PRKCSH: variants seen among roughly 807,000 people sequenced by gnomAD.
The protein encoded by PRKCSH is glucosidase 2 subunit beta.
PRKCSH carries 42 observed loss-of-function variants against 79.7 expected under a neutral mutation model. The ratio of observed to expected loss-of-function variants is 0.53; its 90% CI spans 0.41 to 0.68. The LOEUF is 0.68. Among genes scored for constraint, PRKCSH ranks in the 30% least tolerant of loss-of-function variants. PRKCSH has a pLI of 0.00. For synonymous variants in PRKCSH, 325 were observed against 288.2 expected (o/e 1.13, Z -1.29); for missense variants, 686 against 709.0 (o/e 0.97, Z 0.37).
intron 5 of PRKCSH, 93 bp from the exon 6 acceptor site, chr19:11,441,147 G>A (rs966179531): frequency 2.4e-6 from 3 of 1,247,708 alleles, no homozygotes; most frequent in African/African-American, 3.0e-5. Context: ...GGCTTGGTGG[G>A]GGGCCACAGC....
Position 11,449,585 on chromosome 19 carries a change from C to A in PRKCSH, c.*16+157C>A. The A allele has an allele frequency of 2.0e-6, 2 of 1,003,840 alleles. No individual in the cohort carries two copies. Among genetic ancestry groups the A allele is most frequent in the Non-Finnish European group, 2.9e-6 (2 of 687,320 alleles). The allele number at this position is 1,003,840 out of a possible 1,614,324, so 62.2% of individuals were successfully genotyped here. ...TGAGGTGGAGTCTCACTCTTTGGCC[C>A]AGGCTGGAGTGCAGTGATGCGACCT... On this transcript the variant is annotated intron_variant, in intron 17 of 17. Coordinates refer to ENST00000677123, the MANE Select transcript of PRKCSH (RefSeq NM_001289104.2). The surrounding 1 kb of genome is among the most constrained non-coding windows in gnomAD (Gnocchi z 6.4).
intron 3 of PRKCSH, among the ~76,000 whole-genome samples, chr19:11,436,941 T>G (rs1427490181): frequency 6.6e-6 from 1 of 152,230 alleles, no homozygotes; most frequent in Non-Finnish European, 1.5e-5. Context: ...CACTGCAGCC[T>G]GGAACTCTTG....
chr19:11,447,629 G>A lies in PRKCSH; in HGVS notation c.1029+11G>A. On this transcript the variant is annotated intron_variant, in intron 11 of 17. Coordinates refer to ENST00000677123, the MANE Select transcript of PRKCSH (RefSeq NM_001289104.2). This position sits in a 1 kb window ranked among gnomAD's most constrained non-coding sequence, Gnocchi z 5.6. ...GGGGAGCAGCCCAAGGTCCGTGTTT[G>A]GGGGAGAAGTGGAGACAGAGAGGGT... is the stretch of plus-strand genomic sequence containing the variant. 1 of 1,579,988 alleles carries A rather than the reference G, an allele frequency of 6.3e-7. No individual in the cohort carries two copies. Among genetic ancestry groups the A allele is most frequent in the East Asian group, 2.3e-5 (1 of 43,128 alleles).
chr19:11,438,772 A>T (rs1022497096), intron 5 of PRKCSH, among the ~76,000 whole-genome samples: 8 of 151,692 alleles, frequency 5.3e-5, no homozygotes, highest in African/African-American at 1.9e-4. Flanking sequence ...AAGCAAAAAA[A>T]AAAAAAGCAT....
chr19:11,447,253 C>T lies in PRKCSH; in HGVS notation c.849+93C>T, dbSNP rs921673461. 23 of 1,467,704 alleles carry T rather than the reference C, an allele frequency of 1.6e-5. 1 individual carries two copies. Among genetic ancestry groups the T allele is most frequent in the African/African-American group, 5.6e-5 (4 of 71,488 alleles). 90.9% of individuals were successfully genotyped at this position (1,467,704 alleles called of 1,614,324 possible). On this transcript the variant is annotated intron_variant, in intron 10 of 17. Coordinates refer to ENST00000677123, the MANE Select transcript of PRKCSH (RefSeq NM_001289104.2). This position sits in a 1 kb window ranked among gnomAD's most constrained non-coding sequence, Gnocchi z 5.6. ...AGCTGCCTCTGGTTCTGGCACCTGGCCACCCTGGCCAGCTGGGTGGCCCCA... is the reference window on the plus strand; with the variant it reads ...AGCTGCCTCTGGTTCTGGCACCTGGTCACCCTGGCCAGCTGGGTGGCCCCA...
In PRKCSH at chr19:11,442,358, GCTGGTCTCTTGC is replaced by G; in HGVS notation, c.469-25_469-14del. On this transcript the variant is annotated splice_polypyrimidine_tract_variant and intron_variant, in intron 6 of 17. Transcript: ENST00000677123. The stretch of plus-strand genomic sequence containing the variant: ...TGAGGAGGAGGCAGAACAGAGGAGA[GCTGGTCTCTTGC>G]CTTCTGCCCACCCAGAAAAAGCTCA... 1 of 1,566,370 alleles carries G rather than the reference GCTGGTCTCTTGC, an allele frequency of 6.4e-7. No homozygotes were observed. Among genetic ancestry groups the G allele is most frequent in the Non-Finnish European group, 8.7e-7 (1 of 1,155,170 alleles).
At chr19:11,438,161 C>T in intron 5 of PRKCSH, 37 bp downstream of exon 5, 2 of 1,610,192 alleles carry the variant, frequency 1.2e-6, no homozygotes, top group Non-Finnish European at 8.5e-7. Context: ...TCACCCCACC[C>T]CAAGACTTTG....
intron 1 of PRKCSH, 76 bp downstream of exon 1, chr19:11,435,782 G>T: frequency 7.1e-7 from 1 of 1,400,768 alleles, no homozygotes; most frequent in Non-Finnish European, 9.4e-7. Context: ...GTGTGGGTGT[G>T]GACGGCGGAG....
chr19:11,436,817 A>G (rs1568360177), intron 3 of PRKCSH: 1 of 394,714 alleles, frequency 2.5e-6, no homozygotes, highest in South Asian at 2.1e-5. Flanking sequence ...GCCAAGAGCA[A>G]TCCAGCAGGA....
chr19:11,436,125 TGCC>T lies in PRKCSH; in HGVS notation c.11_13del (p.Pro4del). Reference sequence around the variant, plus strand: ...CTCAGAGCGTCTGGTGAGATGCTGTTGCCGCTGCTGCTGCTGCTACCCATGTGC... The same window carrying T: ...CTCAGAGCGTCTGGTGAGATGCTGTTGCTGCTGCTGCTGCTACCCATGTGC... On this transcript the variant is annotated inframe_deletion, in exon 2 of 18. Transcript: ENST00000677123. 6.2e-7 allele frequency: 1 copy of T among 1,608,766 alleles called. No individual in the cohort carries two copies. Among genetic ancestry groups the T allele is most frequent in the Non-Finnish European group, 8.5e-7 (1 of 1,179,614 alleles).
In PRKCSH at chr19:11,442,512, G is replaced by C; in HGVS notation, c.595G>C (p.Glu199Gln). Residue 199 changes from glutamate (E) to glutamine (Q), a missense_variant, in exon 7 of 18, where the codon GAA becomes CAA. By Grantham distance (29) the Glu-to-Gln change is conservative. Transcript: ENST00000677123. ...CAAAGAGCAGCACCAGAAGCTGTGG[G>C]AAGGTATGGCAGAAATGGCCAAGGA... ...EAKEQHQKLW[E>Q]EQLAAAKAQQ... is the part of the protein sequence containing the mutation. The C allele has an allele frequency of 6.2e-7, 1 of 1,610,600 alleles. No homozygotes were observed. The highest frequency in any genetic ancestry group is 8.5e-7 in the Non-Finnish European group (1 of 1,178,896).
In PRKCSH at chr19:11,448,023, C is replaced by G. The variant is rs1568369719; in HGVS notation, c.1127-199C>G. 2.7e-6 allele frequency: 2 copies of G among 754,228 alleles called. No homozygotes were observed. Among genetic ancestry groups the G allele is most frequent in the Non-Finnish European group, 4.4e-6 (2 of 457,730 alleles). 46.7% of individuals were successfully genotyped at this position (754,228 alleles called of 1,614,324 possible). On this transcript the variant is annotated intron_variant, in intron 12 of 17. Coordinates refer to ENST00000677123, the MANE Select transcript of PRKCSH (RefSeq NM_001289104.2). The surrounding 1 kb of genome is among the most constrained non-coding windows in gnomAD (Gnocchi z 4.4). ...CAGCTTGTTTGTGTCACTCCTGGCC[C>G]CACTCGCTCAGGAGCTGGGAGCCTG...
At chr19:11,443,357 C>G (rs1256797597) in intron 7 of PRKCSH, among the ~76,000 whole-genome samples, 1 of 151,676 alleles carries the variant, frequency 6.6e-6, no homozygotes, top group Non-Finnish European at 1.5e-5. Flanking sequence ...ACCATCTTAG[C>G]CAACATGGTG....
At chr19:11,441,445 C>A in intron 6 of PRKCSH, 88 bp downstream of exon 6, 1 of 1,243,544 alleles carries the variant, frequency 8.0e-7, no homozygotes, top group Non-Finnish European at 1.2e-6. Flanking sequence ...GGGTTTGCCC[C>A]TGACTGCTGT....
At position 11,447,851 on chromosome 19, in the gene PRKCSH, A is replaced by G; in HGVS notation, c.1126+62A>G. On this transcript the variant is annotated intron_variant, in intron 12 of 17. Transcript: ENST00000677123. The surrounding 1 kb of genome is among the most constrained non-coding windows in gnomAD (Gnocchi z 5.6). ...CCAGCGTTTCCTGCCGTGGTGGCAC[A>G]GGTCGAGGGAAGATCCTGAGCTTAG... 6.8e-7 allele frequency: 1 copy of G among 1,477,612 alleles called. No individual in the cohort carries two copies. The highest frequency in any genetic ancestry group is 9.1e-7 in the Non-Finnish European group (1 of 1,099,852). 91.5% of individuals were successfully genotyped at this position (1,477,612 alleles called of 1,614,324 possible).
rs1017239130 is a variant in PRKCSH, at chr19:11,435,921, G to A, written c.-77-120G>A. On this transcript the variant is annotated intron_variant, in intron 1 of 17. Coordinates refer to ENST00000677123, the MANE Select transcript of PRKCSH (RefSeq NM_001289104.2). Reference sequence around the variant, plus strand: ...GAGACTGGCCAGGATTGGGGAGATCGCTGCCCCTCGCCCCCATATCGGAAA... The same window carrying A: ...GAGACTGGCCAGGATTGGGGAGATCACTGCCCCTCGCCCCCATATCGGAAA... The A allele has an allele frequency of 7.4e-5, 67 of 909,080 alleles. No homozygotes were observed. The South Asian group carries it at 9.4e-4, about 13-fold the overall frequency. 56.3% of individuals were successfully genotyped at this position (909,080 alleles called of 1,614,324 possible).
Position 11,441,261 on chromosome 19 carries a change from A to G in PRKCSH, c.372A>G (p.Arg124=), listed in dbSNP as rs1326117882. ...GCAGAGAGAAGGGCCGTAAGGAGAG[A>G]GAGTCCCTGCAGCAGATGGCCGAGG... ...NTCKEKGRKE[R]ESLQQMAEVT... The change falls in exon 6 of 18, where the codon AGA becomes AGG. Residue 124 remains arginine (R), a synonymous_variant. Coordinates refer to ENST00000677123, the MANE Select transcript of PRKCSH (RefSeq NM_001289104.2). 7 of 1,613,926 alleles carry G rather than the reference A, an allele frequency of 4.3e-6. No homozygotes were observed. Among genetic ancestry groups the G allele is most frequent in the African/African-American group, 2.7e-5 (2 of 74,900 alleles).
chr19:11,446,131 G>C (rs1489107212), intron 8 of PRKCSH, 141 bp from the exon 9 acceptor site: 2 of 815,860 alleles, frequency 2.5e-6, no homozygotes, highest in African/African-American at 3.4e-5. Flanking sequence ...CAGGAGGGTG[G>C]GGAGGCCCCT....
chr19:11,449,144 G>T lies in PRKCSH; in HGVS notation c.1430G>T (p.Gly477Val). Residue 477 changes from glycine to valine, a missense_variant, in exon 16 of 18, where the codon GGC becomes GTC. This residue lies in a region of PRKCSH where 137 missense variants were observed against 188.8 expected (regional missense o/e 0.73). Coordinates refer to ENST00000677123, the MANE Select transcript of PRKCSH (RefSeq NM_001289104.2). This position sits in a 1 kb window ranked among gnomAD's most constrained non-coding sequence, Gnocchi z 6.4. ...GCCATGAAGTATGAGCAAGGCACGG[G>T]CTGCTGGCAGGGCCCCAACCGCTCC... is the stretch of plus-strand genomic sequence containing the variant. ...FSAMKYEQGT[G>V]CWQGPNRSTT... 3 of 1,613,854 alleles carry T rather than the reference G, an allele frequency of 1.9e-6. No individual in the cohort carries two copies. The highest frequency in any genetic ancestry group is 2.5e-6 in the Non-Finnish European group (3 of 1,180,040).
Sources: allele counts gnomAD v4.1 joint callset (sites outside exome capture counted in the v4.1 genomes callset), GRCh38; gene constraint gnomAD v4.1.1; regional missense constraint gnomAD v4.1.1; non-coding constraint Gnocchi (gnomAD v3.1); transcripts MANE v1.5; gene names NCBI Gene and HGNC (gene_info 2026-07-23, HGNC 2026-07-21).